The following CFHR4 variants were observed in gnomAD, a reference collection of about 807,000 sequenced individuals.
CFHR4 encodes complement factor H-related protein 4.
A neutral mutation model predicts 69.3 loss-of-function variants in CFHR4; 64 were observed. That is an observed-to-expected ratio of 0.92 (90% CI 0.76 to 1.14). The LOEUF is 1.14. CFHR4 is among the 50% of genes most tolerant of loss of function. The pLI is 0.00. For missense variants in CFHR4, 636 were observed against 684.9 expected, an observed-to-expected ratio of 0.93 and a Z score of 0.80; for synonymous variants, 244 against 237.0, an observed-to-expected ratio of 1.03 and a Z score of -0.27.
At chr1:196,894,037 A>G (rs1409186385) in intron 1 of CFHR4, among the ~76,000 whole-genome samples, 2 of 151,420 alleles carry the variant, frequency 1.3e-5, no homozygotes, top group Non-Finnish European at 2.9e-5. Context: ...ATTAACTCTC[A>G]TTTACACCTA....
Position 196,918,294 on chromosome 1 carries a change from C to A in CFHR4, c.1625C>A (p.Thr542Lys). ...AGTGACATAAAATATTATGCAAAAA[C>A]AGGGGATACCATTGAATTTATGTGT... ...GKSDIKYYAKTGDTIEFMCKL... is the reference protein window; with the variant it reads ...GKSDIKYYAKKGDTIEFMCKL... Residue 542 changes from threonine to lysine, a missense_variant, in exon 10 of 10, where the codon ACA becomes AAA. Thr to Lys is a moderately conservative substitution (Grantham distance 78). Around this residue, in one of 3 missense-constraint regions of CFHR4, gnomAD observed 85 missense variants for 79.0 expected, o/e 1.08. Transcript: ENST00000608469. 1.2e-6 allele frequency: 2 copies of A among 1,609,686 alleles called. No individual in the cohort carries two copies. The highest frequency in any genetic ancestry group is 2.2e-5 in the South Asian group (2 of 90,966).
chr1:196,907,134 A>T, intron 4 of CFHR4, 97 bp downstream of exon 4: 4 of 1,242,692 alleles, frequency 3.2e-6, no homozygotes, highest in Non-Finnish European at 4.5e-6. Context: ...ACATATGTGT[A>T]CATATACATG....
intron 1 of CFHR4, among the ~76,000 whole-genome samples, chr1:196,895,526 T>C (rs1657250186): frequency 6.6e-6 from 1 of 151,604 alleles, no homozygotes; most frequent in African/African-American, 2.4e-5. Flanking sequence ...GTTAATTCTT[T>C]CATCTGCCTG....
rs1220749461 is a variant in CFHR4, at chr1:196,888,105, G to A, written c.-46G>A. 6.3e-7 allele frequency: 1 copy of A among 1,579,140 alleles called. No individual in the cohort carries two copies. The highest frequency in any genetic ancestry group is 8.7e-7 in the Non-Finnish European group (1 of 1,151,252). ...AATGAAAGATTTCAAACCCCAAACA[G>A]TGCAACTGAAACTTTTGCATTACTA... is the stretch of plus-strand genomic sequence containing the variant. On this transcript the variant is annotated 5_prime_UTR_variant, in exon 1 of 10. The change creates a new upstream start codon in the 5' untranslated region. Transcript: ENST00000608469.
intron 3 of CFHR4, 106 bp downstream of exon 3, chr1:196,905,396 G>C: frequency 2.1e-6 from 3 of 1,462,914 alleles, no homozygotes; most frequent in Non-Finnish European, 2.8e-6. Context: ...GGAGTAAAGA[G>C]ATATAAATAC....
In CFHR4 at chr1:196,890,526, G is replaced by A. The variant is rs190342908; in HGVS notation, c.58+2318G>A. Among the ~76,000 whole-genome samples, 522 of 151,510 alleles carry A rather than the reference G, an allele frequency of 3.4e-3. 5 individuals carry two copies. Among genetic ancestry groups the A allele is most frequent in the Middle Eastern group, 0.014 (4 of 294 alleles). On this transcript the variant is annotated intron_variant, in intron 1 of 9. Transcript: ENST00000608469. ...AGTTATTTACATTTAATTTAAAATA[G>A]GTTGTCAGGAAAATTATTTTAATTA...
intron 9 of CFHR4, among the ~76,000 whole-genome samples, chr1:196,916,676 T>G (rs1201301651): frequency 1.3e-5 from 2 of 151,696 alleles, no homozygotes; most frequent in Non-Finnish European, 2.9e-5. Flanking sequence ...TAGAAAAGTG[T>G]TAGGTTTCAG....
chr1:196,899,582 C>A lies in CFHR4; in HGVS notation c.59-2836C>A, dbSNP rs1003356115. Among the ~76,000 whole-genome samples, 14 of 151,492 alleles carry A rather than the reference C, an allele frequency of 9.2e-5. 1 individual carries two copies. The highest frequency in any genetic ancestry group is 2.9e-5 in the Non-Finnish European group (2 of 67,944). ...GGTGTTCGGATTATCGTGCCCAAAC[C>A]CAGATGAATTGTCAAAAGCATGAGT... On this transcript the variant is annotated intron_variant, in intron 1 of 9. Transcript: ENST00000608469.
chr1:196,912,599 A>G, intron 6 of CFHR4, 141 bp from the exon 7 acceptor site: 1 of 984,516 alleles, frequency 1.0e-6, no homozygotes, highest in Non-Finnish European at 1.4e-6. Context: ...ACGGATGTCT[A>G]GGAAACTTCC....
chr1:196,908,563 T>C (rs1032101213), intron 5 of CFHR4, among the ~76,000 whole-genome samples: 2 of 151,392 alleles, frequency 1.3e-5, no homozygotes, highest in Non-Finnish European at 2.9e-5. Flanking sequence ...AGCCCTCAAG[T>C]CTGTAATACA....
Position 196,907,135 on chromosome 1 carries a change from C to T in CFHR4, c.616+98C>T. ...ATATGTGTATGAATACATATGTGTACATATACATGTAGTCCTCATTTGAGT... is the reference window on the plus strand; with the variant it reads ...ATATGTGTATGAATACATATGTGTATATATACATGTAGTCCTCATTTGAGT... On this transcript the variant is annotated intron_variant, in intron 4 of 9. Transcript: ENST00000608469. 12 of 1,239,638 alleles carry T rather than the reference C, an allele frequency of 9.7e-6. No homozygotes were observed. In the South Asian group the frequency reaches 1.4e-4, roughly 14 times the overall value. 76.8% of individuals were successfully genotyped at this position (1,239,638 alleles called of 1,614,324 possible).
chr1:196,903,221 C>A (rs1657717494), intron 2 of CFHR4, among the ~76,000 whole-genome samples: 1 of 151,404 alleles, frequency 6.6e-6, no homozygotes, highest in Non-Finnish European at 1.5e-5. Context: ...TGTACATCAA[C>A]TCTGAAGCCG....
Position 196,888,130 on chromosome 1 carries a change from A to T in CFHR4, c.-21A>T. 2 of 1,608,594 alleles carry T rather than the reference A, an allele frequency of 1.2e-6. No homozygotes were observed. Among genetic ancestry groups the T allele is most frequent in the Non-Finnish European group, 1.7e-6 (2 of 1,176,512 alleles). On this transcript the variant is annotated 5_prime_UTR_variant, in exon 1 of 10. Coordinates refer to ENST00000608469, the MANE Select transcript of CFHR4 (RefSeq NM_001201550.3). Reference sequence around the variant, plus strand: ...GTGCAACTGAAACTTTTGCATTACTATACTACTGAGAATATCTAACATGTT... The same window carrying T: ...GTGCAACTGAAACTTTTGCATTACTTTACTACTGAGAATATCTAACATGTT...
At chr1:196,914,381 T>A in intron 7 of CFHR4, 114 bp from the exon 8 acceptor site, 1 of 1,049,602 alleles carries the variant, frequency 9.5e-7, no homozygotes, top group Non-Finnish European at 1.3e-6. Context: ...TTAATAGTAC[T>A]CAATTTATTA....
rs762122396 is a variant in CFHR4, at chr1:196,907,407, C to T, written c.708C>T (p.Val236=). ...AAGTGTATCTGCCATGGTCAAGAGT[C>T]GAGTACCAGTGCCAGTCCTACTATG... ...PQKVYLPWSR[V]EYQCQSYYEL... Residue 236 remains valine, a synonymous_variant, in exon 5 of 10, where the codon GTC becomes GTT. Coordinates refer to ENST00000608469, the MANE Select transcript of CFHR4 (RefSeq NM_001201550.3). 1.7e-5 allele frequency: 27 copies of T among 1,611,390 alleles called. No individual in the cohort carries two copies. In the Admixed American group the frequency reaches 2.8e-4, roughly 17 times the overall value.
chr1:196,907,402 A>G lies in CFHR4; in HGVS notation c.703A>G (p.Arg235Gly). Residue 235 changes from arginine to glycine, a missense_variant, in exon 5 of 10, where the codon AGA becomes GGA. Physicochemically the swap from Arg to Gly is moderately radical, Grantham distance 125. Around this residue, in one of 3 missense-constraint regions of CFHR4, gnomAD observed 529 missense variants for 533.2 expected, o/e 0.99. Transcript: ENST00000608469. ...GCAAAAAGTGTATCTGCCATGGTCA[A>G]GAGTCGAGTACCAGTGCCAGTCCTA... ...FPQKVYLPWSRVEYQCQSYYE... is the reference protein window; with the variant it reads ...FPQKVYLPWSGVEYQCQSYYE... 1 of 1,612,052 alleles carries G rather than the reference A, an allele frequency of 6.2e-7. No homozygotes were observed. The highest frequency in any genetic ancestry group is 8.5e-7 in the Non-Finnish European group (1 of 1,178,986).
chr1:196,897,629 G>A lies in CFHR4; in HGVS notation c.59-4789G>A, dbSNP rs148104471. Among the ~76,000 whole-genome samples the A allele has an allele frequency of 6.1e-4, 92 of 151,438 alleles. 3 individuals are homozygous for A. Among genetic ancestry groups the A allele is most frequent in the African/African-American group, 2.2e-3 (90 of 41,082 alleles). ...TCCCCTGGAGTTAGGCCACCCAGCG[G>A]CCAGATTTTTCTCCGACCTCCCCTA... On this transcript the variant is annotated intron_variant, in intron 1 of 9. Transcript: ENST00000608469.
chr1:196,898,071 G>A (rs1376292682), intron 1 of CFHR4, among the ~76,000 whole-genome samples: 3 of 151,100 alleles, frequency 2.0e-5, no homozygotes, highest in Admixed American at 6.6e-5. Context: ...TAGCAAGAAT[G>A]TACTTTATTT....
rs192818317 is a variant in CFHR4, at chr1:196,898,331, G to T, written c.59-4087G>T. On this transcript the variant is annotated intron_variant, in intron 1 of 9. Transcript: ENST00000608469. The stretch of plus-strand genomic sequence containing the variant: ...AGCAGTAAGTTCCAGTCCATATACT[G>T]ACTTACATTTAAAATCTGAAATTAC... Among the ~76,000 whole-genome samples, 301 of 151,496 alleles carry T rather than the reference G, an allele frequency of 2.0e-3. 13 individuals are homozygous for T. Among genetic ancestry groups the T allele is most frequent in the African/African-American group, 7.0e-3 (287 of 41,096 alleles).
Sources: gnomAD v4.1 joint callset for allele counts (sites outside exome capture counted in the v4.1 genomes callset) on GRCh38, gnomAD v4.1.1 for gene constraint, gnomAD v4.1.1 regional missense constraint, MANE v1.5 for transcripts, NCBI Gene and HGNC (gene_info 2026-07-23, HGNC 2026-07-21) for gene names.